The following MACROD2 variants were observed in gnomAD, a reference collection of about 807,000 sequenced individuals.
MACROD2 encodes ADP-ribose glycohydrolase MACROD2.
Under a neutral mutation model 70.4 loss-of-function variants are expected in MACROD2, and 36 were observed. The observed-to-expected ratio is 0.51, with a 90% CI of 0.39 to 0.68. The LOEUF (loss-of-function observed/expected upper bound fraction) is 0.68, where lower values mean the gene tolerates loss of function less well. MACROD2 is among the 30% of genes least tolerant of loss of function. The probability of loss-of-function intolerance (pLI) is 0.00; values close to 1 mark genes in which losing one functional copy is unlikely to be tolerated. For missense variants in MACROD2, 496 were observed against 538.4 expected (o/e 0.92, Z 0.78); for synonymous variants, 172 against 178.8 (o/e 0.96, Z 0.30).
chr20:14,388,520 T>C (rs1001206555), intron 3 of MACROD2, among the ~76,000 whole-genome samples: 24 of 152,232 alleles, frequency 1.6e-4, no homozygotes, highest in African/African-American at 5.3e-4. Flanking sequence ...ATATGCATTA[T>C]ATACTGTATC....
chr20:14,948,831 T>C (rs2074453771), intron 5 of MACROD2, among the ~76,000 whole-genome samples: 1 of 152,202 alleles, frequency 6.6e-6, no homozygotes, highest in Admixed American at 6.5e-5. Context: ...AACTAGGGTT[T>C]GAAGCCTGGA....
At chr20:15,041,018 C>G (rs1409774386) in intron 5 of MACROD2, among the ~76,000 whole-genome samples, 1 of 152,082 alleles carries the variant, frequency 6.6e-6, no homozygotes, top group Admixed American at 6.5e-5. Flanking sequence ...GAAATACTTG[C>G]AATTCAACTA....
At chr20:15,381,619 T>C (rs577953910) in intron 6 of MACROD2, among the ~76,000 whole-genome samples, 2 of 152,232 alleles carry the variant, frequency 1.3e-5, no homozygotes, top group East Asian at 3.9e-4. Context: ...TGAGCCATGA[T>C]TGCGCCACTG....
chr20:15,682,644 G>A (rs1306751488), intron 8 of MACROD2, among the ~76,000 whole-genome samples: 1 of 152,162 alleles, frequency 6.6e-6, no homozygotes, highest in African/African-American at 2.4e-5. Flanking sequence ...GGCCATGCAG[G>A]TGGAATTTTA....
chr20:15,242,253 C>T (rs141737086), intron 6 of MACROD2, among the ~76,000 whole-genome samples: 3 of 152,280 alleles, frequency 2.0e-5, no homozygotes, highest in East Asian at 3.9e-4. Flanking sequence ...GTAATTAATA[C>T]TCTTCACAAC....
chr20:14,145,856 A>G (rs2054936067), intron 3 of MACROD2, among the ~76,000 whole-genome samples: 1 of 152,216 alleles, frequency 6.6e-6, no homozygotes, highest in Admixed American at 6.5e-5. Context: ...TGAAATTTGA[A>G]CAGTTAATTA....
chr20:14,483,509 C>T (rs550692652), intron 3 of MACROD2, among the ~76,000 whole-genome samples: 4 of 152,020 alleles, frequency 2.6e-5, no homozygotes, highest in African/African-American at 7.3e-5. Context: ...CAGGTTCAAG[C>T]GATTCTCCTG....
At chr20:15,732,451 C>T (rs569676984) in intron 8 of MACROD2, among the ~76,000 whole-genome samples, 14 of 152,124 alleles carry the variant, frequency 9.2e-5, no homozygotes, top group South Asian at 4.1e-4. Context: ...TATCAAGGTC[C>T]GATGTTCCCT....
chr20:14,601,245 G>A (rs879186753), intron 4 of MACROD2, among the ~76,000 whole-genome samples: 1 of 152,124 alleles, frequency 6.6e-6, no homozygotes, highest in Admixed American at 6.6e-5. Context: ...ATGGTGTTTG[G>A]GAGTGGGAGA....
At chr20:15,320,368 G>A (rs770890673) in intron 6 of MACROD2, among the ~76,000 whole-genome samples, 17 of 152,118 alleles carry the variant, frequency 1.1e-4, no homozygotes, top group Non-Finnish European at 2.1e-4. Context: ...TATACTAAAC[G>A]CCATTGAATC....
chr20:14,704,456 A>T (rs1364073783), intron 5 of MACROD2, among the ~76,000 whole-genome samples: 3 of 152,060 alleles, frequency 2.0e-5, no homozygotes, highest in Admixed American at 1.3e-4. Context: ...AACTGGCTTG[A>T]TAACAGCATT....
At chr20:14,348,156 C>G (rs1159177989) in intron 3 of MACROD2, among the ~76,000 whole-genome samples, 6 of 151,592 alleles carry the variant, frequency 4.0e-5, no homozygotes. Flanking sequence ...GTAGTCCCAG[C>G]TACTTGGGAG....
intron 8 of MACROD2, among the ~76,000 whole-genome samples, chr20:15,676,925 A>G (rs997111643): frequency 1.3e-5 from 2 of 152,244 alleles, no homozygotes; most frequent in African/African-American, 4.8e-5. Context: ...ACTGAAGAAA[A>G]TAAATGCGTT....
intron 3 of MACROD2, among the ~76,000 whole-genome samples, chr20:14,208,133 T>C (rs917065064): frequency 6.6e-6 from 1 of 152,162 alleles, no homozygotes; most frequent in Non-Finnish European, 1.5e-5. Flanking sequence ...ATGATGTTGA[T>C]CCTGGATGTA....
At chr20:14,438,726 T>C (rs2084086856) in intron 3 of MACROD2, among the ~76,000 whole-genome samples, 1 of 152,206 alleles carries the variant, frequency 6.6e-6, no homozygotes, top group African/African-American at 2.4e-5. Flanking sequence ...GAAATGCATA[T>C]TCAAGTTCTT....
At chr20:15,811,998 G>C (rs1454242777) in intron 8 of MACROD2, among the ~76,000 whole-genome samples, 1 of 152,142 alleles carries the variant, frequency 6.6e-6, no homozygotes, top group Non-Finnish European at 1.5e-5. Context: ...CCAGGAAGGA[G>C]CCCACCAGTT....
chr20:14,589,345 G>C (rs6042804), intron 4 of MACROD2, among the ~76,000 whole-genome samples: 7,030 of 152,140 alleles, frequency 0.046, 430 homozygotes, highest in African/African-American at 0.13. Context: ...TTTTGAAGCA[G>C]TGTTAGCATA....
intron 3 of MACROD2, among the ~76,000 whole-genome samples, chr20:14,195,934 G>C (rs1325363915): frequency 6.6e-6 from 1 of 152,152 alleles, no homozygotes; most frequent in East Asian, 1.9e-4. Flanking sequence ...CTGTCCCTAC[G>C]ATAAGGCAGG....
At chr20:15,051,972 C>T (rs142872707) in intron 5 of MACROD2, among the ~76,000 whole-genome samples, 2 of 152,144 alleles carry the variant, frequency 1.3e-5, no homozygotes, top group Middle Eastern at 3.4e-3. Context: ...AGGATGGTCT[C>T]GACCTTTTGA....
Sources: allele counts gnomAD v4.1 joint callset (sites outside exome capture counted in the v4.1 genomes callset), GRCh38; gene constraint gnomAD v4.1.1; transcripts MANE v1.5; gene names NCBI Gene and HGNC (gene_info 2026-07-23, HGNC 2026-07-21).